Variants in CACNA1S observed in about 807,000 individuals in gnomAD.
CACNA1S encodes the protein voltage-dependent L-type calcium channel subunit alpha-1S.
Under a neutral mutation model 207.4 loss-of-function variants are expected in CACNA1S, and 126 were observed. The ratio of observed to expected loss-of-function variants is 0.61; its 90% CI spans 0.53 to 0.70. CACNA1S has a LOEUF of 0.70. CACNA1S is among the 30% of genes least tolerant of loss of function. CACNA1S has a pLI of 0.00. For synonymous variants in CACNA1S, 960 were observed against 932.7 expected, an observed-to-expected ratio of 1.03 and a Z score of -0.53; for missense variants, 2,349 against 2,422.8, an observed-to-expected ratio of 0.97 and a Z score of 0.64.
intron 39 of CACNA1S, 70 bp from the exon 40 acceptor site, chr1:201,043,601 A>G: frequency 7.2e-7 from 1 of 1,395,442 alleles, no homozygotes; most frequent in South Asian, 1.2e-5. Context: ...TCACTCTGGG[A>G]CAGTGGTATT....
intron 24 of CACNA1S, 56 bp from the exon 25 acceptor site, chr1:201,061,524 C>G: frequency 6.5e-7 from 1 of 1,541,332 alleles, no homozygotes; most frequent in Non-Finnish European, 8.9e-7. Context: ...GGCAGAGAGT[C>G]AGGCTGGGAA....
chr1:201,044,307 G>T (rs776655679), intron 39 of CACNA1S, 21 bp downstream of exon 39: 5 of 1,612,558 alleles, frequency 3.1e-6, no homozygotes, highest in Non-Finnish European at 4.2e-6. Context: ...ACCACTAGGG[G>T]TGCTCCTGGC....
At position 201,069,122 on chromosome 1, in the gene CACNA1S, A is replaced by G. The variant is rs952303072; in HGVS notation, c.2550+15T>C. 5.0e-6 allele frequency: 8 copies of G among 1,612,074 alleles called. No homozygotes were observed. In the East Asian group the frequency reaches 1.6e-4, roughly 31 times the overall value. On this transcript the variant is annotated intron_variant, in intron 19 of 43. Coordinates refer to ENST00000362061, the MANE Select transcript of CACNA1S (RefSeq NM_000069.3). ...GAAACTCCCTCCCCAGGGCTGCCCC[A>G]CAGCCTTCACTCACCTTGAGGACAA...
intron 14 of CACNA1S, 48 bp downstream of exon 14, chr1:201,074,458 G>T: frequency 1.7e-6 from 2 of 1,205,890 alleles, no homozygotes; most frequent in Non-Finnish European, 2.5e-6. Context: ...GGAAGGCCAT[G>T]GCCACGACTG....
At chr1:201,064,191 C>A in intron 22 of CACNA1S, among the ~76,000 whole-genome samples, 1 of 152,112 alleles carries the variant, frequency 6.6e-6, no homozygotes, top group East Asian at 1.9e-4. Context: ...GGGGGCCAGG[C>A]AAAGGGATGA....
chr1:201,112,415 G>T lies in CACNA1S; in HGVS notation c.-76C>A. On this transcript the variant is annotated 5_prime_UTR_variant, in exon 1 of 44. Coordinates refer to ENST00000362061, the MANE Select transcript of CACNA1S (RefSeq NM_000069.3). ...CCTTCCCTGTGTCCCCAATGCCCCCGCCTTGGGGACTAGGCTGGCTGAGGC... is the reference window on the plus strand; with the variant it reads ...CCTTCCCTGTGTCCCCAATGCCCCCTCCTTGGGGACTAGGCTGGCTGAGGC... 6.2e-7 allele frequency: 1 copy of T among 1,608,240 alleles called. No individual in the cohort carries two copies.
chr1:201,097,469 G>A (rs1477743531), intron 2 of CACNA1S, among the ~76,000 whole-genome samples: 3 of 152,042 alleles, frequency 2.0e-5, no homozygotes, highest in Non-Finnish European at 4.4e-5. Context: ...CGGCCCCTCT[G>A]CCCAGAGTGT....
chr1:201,086,354 C>T (rs1662039193), intron 7 of CACNA1S, among the ~76,000 whole-genome samples: 1 of 152,332 alleles, frequency 6.6e-6, no homozygotes, highest in Non-Finnish European at 1.5e-5. Context: ...GACAAAGAAG[C>T]CAGTTACAGC....
At position 201,066,433 on chromosome 1, in the gene CACNA1S, A is replaced by G; in HGVS notation, c.2658-117T>C. On this transcript the variant is annotated intron_variant, in intron 20 of 43. Coordinates refer to ENST00000362061, the MANE Select transcript of CACNA1S (RefSeq NM_000069.3). This position sits in a 1 kb window ranked among gnomAD's most constrained non-coding sequence, Gnocchi z 4.3. ...ACCAGCTGCCTTTCTGCCTGAAAAC[A>G]CTCCCACCTTCCCCTTCCCTTTCCT... 1 of 862,474 alleles carries G rather than the reference A, an allele frequency of 1.2e-6. No homozygotes were observed. Among genetic ancestry groups the G allele is most frequent in the Non-Finnish European group, 1.9e-6 (1 of 520,748 alleles). The allele number at this position is 862,474 out of a possible 1,614,324, so 53.4% of individuals were successfully genotyped here.
rs78234574 is a variant in CACNA1S, at chr1:201,047,298, A to G, written c.4544-59T>C. The G allele has an allele frequency of 1.5e-5, 24 of 1,611,084 alleles. No homozygotes were observed. In the Admixed American group the frequency reaches 2.5e-4, roughly 17 times the overall value. Reference sequence around the variant, plus strand: ...CTAGTGGGAATCTGACACTGGATTCAGAGTGGGAGCCAGCTGTAGCCAGGC... The same window carrying G: ...CTAGTGGGAATCTGACACTGGATTCGGAGTGGGAGCCAGCTGTAGCCAGGC... On this transcript the variant is annotated intron_variant, in intron 37 of 43. Coordinates refer to ENST00000362061, the MANE Select transcript of CACNA1S (RefSeq NM_000069.3).
chr1:201,092,858 G>A (rs16847710), intron 3 of CACNA1S, among the ~76,000 whole-genome samples: 1,975 of 152,304 alleles, frequency 0.013, 48 homozygotes, highest in African/African-American at 0.045. Context: ...CCATCCTTAC[G>A]GAACTGAAGG....
chr1:201,104,648 G>C (rs993695755), intron 2 of CACNA1S, among the ~76,000 whole-genome samples: 6 of 152,146 alleles, frequency 3.9e-5, no homozygotes, highest in Admixed American at 6.5e-5. Context: ...GTGTTCCTTG[G>C]ATATTTTACT....
chr1:201,094,585 G>A (rs1405573228), intron 2 of CACNA1S, among the ~76,000 whole-genome samples: 1 of 152,154 alleles, frequency 6.6e-6, no homozygotes, highest in Non-Finnish European at 1.5e-5. Context: ...GATGGTAGGA[G>A]ACGGGGGTGG....
intron 32 of CACNA1S, among the ~76,000 whole-genome samples, chr1:201,051,566 A>G (rs1450234506): frequency 6.6e-6 from 1 of 152,204 alleles, no homozygotes; most frequent in Non-Finnish European, 1.5e-5. Flanking sequence ...AGCAGCCCTT[A>G]GATTTCACAC....
Position 201,041,452 on chromosome 1 carries a change from G to A in CACNA1S, c.5134+52C>T, listed in dbSNP as rs368724612. 7.5e-4 allele frequency: 1,059 copies of A among 1,406,426 alleles called. 2 individuals are homozygous for A. The highest frequency in any genetic ancestry group is 8.5e-4 in the Non-Finnish European group (845 of 996,382). 87.1% of individuals were successfully genotyped at this position (1,406,426 alleles called of 1,614,324 possible). The stretch of plus-strand genomic sequence containing the variant: ...CTCTAAGAAAAGAGTGGGGCTTCCC[G>A]GACTCCTCTGGGAGAAGACTCAAGC... On this transcript the variant is annotated intron_variant, in intron 41 of 43. Coordinates refer to ENST00000362061, the MANE Select transcript of CACNA1S (RefSeq NM_000069.3).
At chr1:201,067,344 G>A (rs932583004) in intron 19 of CACNA1S, among the ~76,000 whole-genome samples, 7 of 152,090 alleles carry the variant, frequency 4.6e-5, no homozygotes, top group African/African-American at 1.2e-4. Flanking sequence ...AGCTTCTTGG[G>A]CAATCCCCTC....
Position 201,051,707 on chromosome 1 carries a change from G to A in CACNA1S, c.3954-564C>T, listed in dbSNP as rs547606195. On this transcript the variant is annotated intron_variant, in intron 32 of 43. Coordinates refer to ENST00000362061, the MANE Select transcript of CACNA1S (RefSeq NM_000069.3). ...AACCTCCCTCCACCTCTCCAGCTGG[G>A]AAGAAGTGTCTCCTCTAGTCACATT... Among the ~76,000 whole-genome samples the A allele has an allele frequency of 4.6e-5, 7 of 152,322 alleles. No homozygotes were observed. The South Asian group carries it at 1.4e-3, about 32-fold the overall frequency.
intron 2 of CACNA1S, among the ~76,000 whole-genome samples, chr1:201,099,972 C>T (rs1338288145): frequency 6.6e-6 from 1 of 152,140 alleles, no homozygotes; most frequent in Non-Finnish European, 1.5e-5. Context: ...CCCAAGAAAG[C>T]AGGACCCAGC....
At chr1:201,087,461 G>C (rs1034280180) in intron 7 of CACNA1S, among the ~76,000 whole-genome samples, 1 of 152,198 alleles carries the variant, frequency 6.6e-6, no homozygotes, top group Admixed American at 6.5e-5. Context: ...TGGAGTTTCA[G>C]GGGCTTCACT....
Sources: allele counts gnomAD v4.1 joint callset (sites outside exome capture counted in the v4.1 genomes callset), GRCh38; gene constraint gnomAD v4.1.1; non-coding constraint Gnocchi (gnomAD v3.1); transcripts MANE v1.5; gene names NCBI Gene and HGNC (gene_info 2026-07-23, HGNC 2026-07-21).